PPP1R9B: variants seen among roughly 807,000 people sequenced by gnomAD.
PPP1R9B encodes the protein neurabin-2.
PPP1R9B carries 17 observed loss-of-function variants against 75.8 expected under a neutral mutation model. The observed-to-expected ratio is 0.22, with a 90% CI of 0.15 to 0.34. PPP1R9B has a LOEUF of 0.34. PPP1R9B is among the 10% of genes least tolerant of loss of function. The pLI is 1.00. For synonymous variants in PPP1R9B, 509 were observed against 535.4 expected (o/e 0.95, Z 0.68); for missense variants, 875 against 1,196.0 (o/e 0.73, Z 3.96).
rs373978038 is a variant in PPP1R9B at position 50,149,247 on chromosome 17, G to T, written c.1267C>A (p.Pro423Thr). 6.2e-7 allele frequency: 1 copy of T among 1,611,338 alleles called. No individual in the cohort carries two copies. The highest frequency in any genetic ancestry group is 8.5e-7 in the Non-Finnish European group (1 of 1,179,076). ...DDEDDEEDGEPPYEPESGCVE... is the reference protein window; with the variant it reads ...DDEDDEEDGETPYEPESGCVE... ...CACCCCGACTCGGGCTCGTAGGGGG[G>T]CTCCCCATCCTCCTCGTCGTCTTCG... The change falls in exon 1 of 10, where the codon CCC (proline) becomes ACC (threonine). Residue 423 changes from proline to threonine, a missense_variant. By Grantham distance (38) the Pro-to-Thr change is conservative. This residue lies in a region of PPP1R9B where 449 missense variants were observed against 475.0 expected (regional missense o/e 0.95). Transcript: ENST00000612501. The surrounding 1 kb of genome is among the most constrained non-coding windows in gnomAD (Gnocchi z 7.2).
rs377727503 is a variant in PPP1R9B, at chr17:50,144,609, T to C, written c.1504+504A>G. On this transcript the variant is annotated intron_variant, in intron 2 of 9. Coordinates refer to ENST00000612501, the MANE Select transcript of PPP1R9B (RefSeq NM_032595.5). The stretch of plus-strand genomic sequence containing the variant: ...CTTTCCTGACTACTCCCCTAATTCC[T>C]CCTCACCAGAGTGCAACTCAAGCTT... Among the ~76,000 whole-genome samples, 3 of 152,190 alleles carry C rather than the reference T, an allele frequency of 2.0e-5. 1 individual carries two copies. Among genetic ancestry groups the C allele is most frequent in the African/African-American group, 7.2e-5 (3 of 41,520 alleles).
In PPP1R9B at chr17:50,135,946, C is replaced by T. The variant is rs77907079; in HGVS notation, c.2303+22G>A. ...CTCTCAATGCTCCCTGGGCCCAGCCCGCCCAGCCCCCAGCCACGTACTTCT... is the reference window on the plus strand; with the variant it reads ...CTCTCAATGCTCCCTGGGCCCAGCCTGCCCAGCCCCCAGCCACGTACTTCT... On this transcript the variant is annotated intron_variant, in intron 8 of 9. Transcript: ENST00000612501. The T allele has an allele frequency of 8.6e-3, 12,326 of 1,435,918 alleles. 397 individuals carry two copies. In the African/African-American group the frequency reaches 0.088, roughly 10 times the overall value. 88.9% of individuals were successfully genotyped at this position (1,435,918 alleles called of 1,614,324 possible). A position where few individuals can be genotyped will look rare whatever the true frequency, so the allele number is the denominator to read the frequency against.
chr17:50,140,060 G>T, intron 5 of PPP1R9B, 33 bp downstream of exon 5: 1 of 1,608,446 alleles, frequency 6.2e-7, no homozygotes, highest in South Asian at 1.1e-5. Context: ...ACCAGGGGGC[G>T]ACCACGCGGC....
rs774968037 is a variant in PPP1R9B, at chr17:50,136,779, G to A, written c.2074-582C>T. On this transcript the variant is annotated intron_variant, in intron 7 of 9. Transcript: ENST00000612501. ...TCTATACTCACTGCCCTGGGGCACC[G>A]GCCCATCTCCCACACTACCTCTGTG... Among the ~76,000 whole-genome samples, 7 of 151,750 alleles carry A rather than the reference G, an allele frequency of 4.6e-5. No individual in the cohort carries two copies. In the South Asian group the frequency reaches 8.3e-4, roughly 18 times the overall value.
rs1330715568 is a variant in PPP1R9B at position 50,143,968 on chromosome 17, G to A, written c.1505-250C>T. Among the ~76,000 whole-genome samples, 5 of 152,346 alleles carry A rather than the reference G, an allele frequency of 3.3e-5. No homozygotes were observed. In the East Asian group the frequency reaches 7.7e-4, roughly 23 times the overall value. ...AGAAGAGCGTGCCAAGGGTGGCACA[G>A]GCAGGTAAGACTGTTGCATATGCAG... is the stretch of plus-strand genomic sequence containing the variant. On this transcript the variant is annotated intron_variant, in intron 2 of 9. Transcript: ENST00000612501.
rs1003040193 is a variant in PPP1R9B at position 50,142,603 on chromosome 17, G to A, written c.1625+995C>T. Among the ~76,000 whole-genome samples the A allele has an allele frequency of 6.6e-6, 1 of 152,140 alleles. No homozygotes were observed. Among genetic ancestry groups the A allele is most frequent in the Non-Finnish European group, 1.5e-5 (1 of 68,014 alleles). ...GACACCTGCTCACCTCTGTCACATG[G>A]AGGGGGTCTGGGTTTGGAGGTACCA... On this transcript the variant is annotated intron_variant, in intron 3 of 9. Coordinates refer to ENST00000612501, the MANE Select transcript of PPP1R9B (RefSeq NM_032595.5). The surrounding 1 kb of genome is among the most constrained non-coding windows in gnomAD (Gnocchi z 4.1).
At position 50,143,630 on chromosome 17, in the gene PPP1R9B, C is replaced by A. The variant is rs557922178; in HGVS notation, c.1593G>T (p.Val531=). 1 of 1,614,046 alleles carries A rather than the reference C, an allele frequency of 6.2e-7. No homozygotes were observed. Among genetic ancestry groups the A allele is most frequent in the South Asian group, 1.1e-5 (1 of 91,084 alleles). Residue 531 remains valine (V), a synonymous_variant, in exon 3 of 10, where the codon GTG becomes GTT. Transcript: ENST00000612501. ...CCCGATGGGCCGCACCACCCTCCGT[C>A]ACGGTCTTGACGAAGATACCCAGCT... ...LEKLGIFVKT[V]TEGGAAHRDG...
In PPP1R9B at chr17:50,149,616, G is replaced by C. The variant is rs936193990; in HGVS notation, c.898C>G (p.Pro300Ala). 2.6e-6 allele frequency: 4 copies of C among 1,546,090 alleles called. No homozygotes were observed. Among genetic ancestry groups the C allele is most frequent in the Non-Finnish European group, 3.5e-6 (4 of 1,151,056 alleles). Residue 300 changes from proline to alanine, a missense_variant, in exon 1 of 10, where the codon CCG (proline) becomes GCG (alanine). Physicochemically the swap from Pro to Ala is conservative, Grantham distance 27. Around this residue, in one of 4 missense-constraint regions of PPP1R9B, gnomAD observed 449 missense variants for 475.0 expected, o/e 0.95. Coordinates refer to ENST00000612501, the MANE Select transcript of PPP1R9B (RefSeq NM_032595.5). This position sits in a 1 kb window ranked among gnomAD's most constrained non-coding sequence, Gnocchi z 7.2. ...TCCCCGCTCTCCTCCACCTCCACCG[G>C]CTTAATCTTGCGCACCTCCCGGGGC... ...PKPREVRKIK[P>A]VEVEESGESE...
rs748735289 is a variant in PPP1R9B at position 50,139,324 on chromosome 17, G to A, written c.2020-8C>T. ...CGCATGCTTGATCTGGAGCTGTTGGGCAGAGGGGCAGGCACTCAGCTCCAG... is the reference window on the plus strand; with the variant it reads ...CGCATGCTTGATCTGGAGCTGTTGGACAGAGGGGCAGGCACTCAGCTCCAG... On this transcript the variant is annotated splice_region_variant and splice_polypyrimidine_tract_variant and intron_variant, in intron 6 of 9. Transcript: ENST00000612501. The surrounding 1 kb of genome is among the most constrained non-coding windows in gnomAD (Gnocchi z 5.0). 3 of 1,614,004 alleles carry A rather than the reference G, an allele frequency of 1.9e-6. No individual in the cohort carries two copies. The highest frequency in any genetic ancestry group is 2.2e-5 in the East Asian group (1 of 44,878).
At chr17:50,146,071 G>C (rs1190968055) in intron 1 of PPP1R9B, 2 of 152,468 alleles carry the variant, frequency 1.3e-5, no homozygotes, top group Non-Finnish European at 2.9e-5. Flanking sequence ...ACTGCCCACA[G>C]CGAACCCAGG....
At chr17:50,140,898 G>C (rs1031019864) in intron 4 of PPP1R9B, among the ~76,000 whole-genome samples, 1 of 152,114 alleles carries the variant, frequency 6.6e-6, no homozygotes, top group Admixed American at 6.5e-5. Context: ...TGGTCGGGGT[G>C]GGGGGCATGA....
chr17:50,139,681 AC>A lies in PPP1R9B; in HGVS notation c.1867-101del. On this transcript the variant is annotated intron_variant, in intron 5 of 9. Coordinates refer to ENST00000612501, the MANE Select transcript of PPP1R9B (RefSeq NM_032595.5). This position sits in a 1 kb window ranked among gnomAD's most constrained non-coding sequence, Gnocchi z 5.0. ...AGTTGCCCATGCCAGACAGAGAGCT[AC>A]CCAGGAATGTGGTTCATGCCTCCCA... 7.3e-7 allele frequency: 1 copy of A among 1,369,354 alleles called. No individual in the cohort carries two copies. The highest frequency in any genetic ancestry group is 9.9e-7 in the Non-Finnish European group (1 of 1,013,644). The allele number at this position is 1,369,354 out of a possible 1,614,324, so 84.8% of individuals were successfully genotyped here.
Position 50,150,524 on chromosome 17 carries a change from G to A in PPP1R9B, c.-11C>T, listed in dbSNP as rs1412626344. On this transcript the variant is annotated 5_prime_UTR_variant, in exon 1 of 10. Coordinates refer to ENST00000612501, the MANE Select transcript of PPP1R9B (RefSeq NM_032595.5). This position sits in a 1 kb window ranked among gnomAD's most constrained non-coding sequence, Gnocchi z 8.7. The stretch of plus-strand genomic sequence containing the variant: ...CTCCGTCTTCATCATGGTGGGGGGA[G>A]CCGGGTTCGCATGCCCCTGCTCCCC... 38 of 1,318,584 alleles carry A rather than the reference G, an allele frequency of 2.9e-5. No individual in the cohort carries two copies. Among genetic ancestry groups the A allele is most frequent in the Non-Finnish European group, 3.3e-5 (34 of 1,033,428 alleles). 81.7% of individuals were successfully genotyped at this position (1,318,584 alleles called of 1,614,324 possible).
At chr17:50,138,153 CGTGTGTGTGTGTGTGTGT>C (rs58489923) in intron 7 of PPP1R9B, among the ~76,000 whole-genome samples, 19,960 of 146,382 alleles carry the variant, frequency 0.14, 1,578 homozygotes, top group African/African-American at 0.23. Context: ...GTGTATACTA[CGTGTGTGTGTGTGTGTGT>C]GTGTGTGTGT....
rs1355040665 is a variant in PPP1R9B, at chr17:50,145,213, A to G, written c.1404T>C (p.Asp468=). Residue 468 remains aspartate (D), a synonymous_variant, in exon 2 of 10, where the codon GAT becomes GAC. Coordinates refer to ENST00000612501, the MANE Select transcript of PPP1R9B (RefSeq NM_032595.5). ...TGGGATCCACATCCTCGTTGCGACGATCGTAATCCTCGTTGGAGTAAGTGC... is the reference window on the plus strand; with the variant it reads ...TGGGATCCACATCCTCGTTGCGACGGTCGTAATCCTCGTTGGAGTAAGTGC... ...VFSTYSNEDY[D]RRNEDVDPMA... is the part of the protein sequence containing the mutation. 1 of 1,613,920 alleles carries G rather than the reference A, an allele frequency of 6.2e-7. No homozygotes were observed. Among genetic ancestry groups the G allele is most frequent in the Non-Finnish European group, 8.5e-7 (1 of 1,179,870 alleles).
In PPP1R9B at chr17:50,149,414, C is replaced by A; in HGVS notation, c.1100G>T (p.Gly367Val). 6.2e-7 allele frequency: 1 copy of A among 1,611,102 alleles called. No individual in the cohort carries two copies. Residue 367 changes from glycine to valine, a missense_variant, in exon 1 of 10, where the codon GGC (glycine) becomes GTC (valine). Coordinates refer to ENST00000612501, the MANE Select transcript of PPP1R9B (RefSeq NM_032595.5). The surrounding 1 kb of genome is among the most constrained non-coding windows in gnomAD (Gnocchi z 7.2). ...AAVAPPERGV[G>V]NGRAPDVAPE... ...GGCCACGTCCGGGGCCCGGCCATTGCCCACCCCCCTCTCTGGCGGCGCTAC... is the reference window on the plus strand; with the variant it reads ...GGCCACGTCCGGGGCCCGGCCATTGACCACCCCCCTCTCTGGCGGCGCTAC...
rs1912409597 is a variant in PPP1R9B, at chr17:50,142,379, G to A, written c.1626-1006C>T. 6.6e-6 allele frequency among the ~76,000 whole-genome samples: 1 copy of A among 152,196 alleles called. No homozygotes were observed. The highest frequency in any genetic ancestry group is 1.5e-5 in the Non-Finnish European group (1 of 68,030). ...ATGAGTGAGTGGCCACGGCCACCAT[G>A]CACACTCACTCCTTAGACAACCCAC... On this transcript the variant is annotated intron_variant, in intron 3 of 9. Coordinates refer to ENST00000612501, the MANE Select transcript of PPP1R9B (RefSeq NM_032595.5). The surrounding 1 kb of genome is among the most constrained non-coding windows in gnomAD (Gnocchi z 4.1).
At chr17:50,146,206 G>A (rs1200851091) in intron 1 of PPP1R9B, 2 of 152,480 alleles carry the variant, frequency 1.3e-5, no homozygotes, top group African/African-American at 4.8e-5. Context: ...GACAGAGAAG[G>A]TGGGGCTGGG....
chr17:50,150,105 G>T lies in PPP1R9B; in HGVS notation c.409C>A (p.Pro137Thr). Residue 137 changes from proline to threonine, a missense_variant, in exon 1 of 10, where the codon CCG (proline) becomes ACG (threonine). Physicochemically the swap from Pro to Thr is conservative, Grantham distance 38 (BLOSUM62 -1). Coordinates refer to ENST00000612501, the MANE Select transcript of PPP1R9B (RefSeq NM_032595.5). This position sits in a 1 kb window ranked among gnomAD's most constrained non-coding sequence, Gnocchi z 8.7. ...TGCAGCCGGGACGGCGGGTGCGGCG[G>T]CGGCGCAGGCTGCGCGGAGGGCGCG... ...KPAPSAQPAPPPHPPSRLQET... is the reference protein window; with the variant it reads ...KPAPSAQPAPTPHPPSRLQET... The T allele has an allele frequency of 7.1e-7, 1 of 1,398,744 alleles. No homozygotes were observed. The allele number at this position is 1,398,744 out of a possible 1,614,324, so 86.6% of individuals were successfully genotyped here. A position where few individuals can be genotyped will look rare whatever the true frequency, so the allele number is the denominator to read the frequency against.
Sources: gnomAD v4.1 joint callset for allele counts (sites outside exome capture counted in the v4.1 genomes callset) on GRCh38, gnomAD v4.1.1 for gene constraint, gnomAD v4.1.1 regional missense constraint, Gnocchi (gnomAD v3.1) non-coding constraint, MANE v1.5 for transcripts, NCBI Gene and HGNC (gene_info 2026-07-23, HGNC 2026-07-21) for gene names.